The following VPS13B variants were observed in gnomAD, a reference collection of about 807,000 sequenced individuals.
VPS13B encodes intermembrane lipid transfer protein VPS13B.
In VPS13B, 285 loss-of-function variants were observed where a neutral mutation model predicts 426.4. That is an observed-to-expected ratio of 0.67 (90% confidence interval 0.61 to 0.74). VPS13B has a LOEUF of 0.74. VPS13B is among the 30% of genes least tolerant of loss of function. The pLI, the probability that VPS13B is intolerant of heterozygous loss-of-function variation, is 0.00. For synonymous variants in VPS13B, 1,676 were observed against 1,676.4 expected, an observed-to-expected ratio of 1.00 and a Z score of 0.01; for missense variants, 4,537 against 4,782.6, an observed-to-expected ratio of 0.95 and a Z score of 1.51.
chr8:99,156,868 GAAAT>G, intron 15 of VPS13B, 125 bp downstream of exon 15: 2 of 819,170 alleles, frequency 2.4e-6, no homozygotes, highest in South Asian at 1.8e-5. Flanking sequence ...ATTTAAATAA[GAAAT>G]AAGATGTATT....
chr8:99,855,763 T>G (rs1170003767), intron 56 of VPS13B, among the ~76,000 whole-genome samples: 1 of 152,220 alleles, frequency 6.6e-6, no homozygotes, highest in Non-Finnish European at 1.5e-5. Flanking sequence ...CTAGACTCTT[T>G]TATAAAAGAT....
intron 19 of VPS13B, among the ~76,000 whole-genome samples, chr8:99,363,340 G>C (rs1812674571): frequency 6.6e-6 from 1 of 152,116 alleles, no homozygotes; most frequent in South Asian, 2.1e-4. Flanking sequence ...TTTGTTTCCT[G>C]TTTTTATGCC....
At chr8:99,453,421 T>C (rs1818296591) in intron 23 of VPS13B, among the ~76,000 whole-genome samples, 1 of 152,226 alleles carries the variant, frequency 6.6e-6, no homozygotes, top group African/African-American at 2.4e-5. Flanking sequence ...TAAATAAATT[T>C]GTTGGGAACA....
At chr8:99,122,218 T>G (rs750787624) in intron 8 of VPS13B, among the ~76,000 whole-genome samples, 1 of 151,750 alleles carries the variant, frequency 6.6e-6, no homozygotes, top group Non-Finnish European at 1.5e-5. Context: ...CCTCATCTCT[T>G]TCGCTTTTCA....
rs1825834691 is a variant in VPS13B at position 99,577,549 on chromosome 8, C to T, written c.5136C>T (p.Phe1712=). The T allele has an allele frequency of 6.2e-7, 1 of 1,613,764 alleles. No individual in the cohort carries two copies. The highest frequency in any genetic ancestry group is 1.3e-5 in the African/African-American group (1 of 74,914). The change falls in exon 33 of 62, where the codon TTC becomes TTT. Residue 1712 remains phenylalanine (F), a synonymous_variant. Transcript: ENST00000357162. ...EVNITTNLDF[F]LSVAQVQLLH... The stretch of plus-strand genomic sequence containing the variant: ...ATATAACCACAAACCTGGACTTCTT[C>T]CTAAGTGTGGCTCAAGTTCAACTCT...
intron 24 of VPS13B, 124 bp from the exon 25 acceptor site, chr8:99,481,475 T>C (rs1820035581): frequency 3.8e-6 from 4 of 1,064,200 alleles, no homozygotes; most frequent in Non-Finnish European, 5.7e-6. Flanking sequence ...AGTGATGCAT[T>C]GGTAGAGTTT....
intron 54 of VPS13B, among the ~76,000 whole-genome samples, chr8:99,841,667 A>G (rs1005186586): frequency 6.6e-6 from 1 of 152,094 alleles, no homozygotes; most frequent in African/African-American, 2.4e-5. Context: ...CCTTCTGCCT[A>G]CTGCTTCTCA....
intron 19 of VPS13B, among the ~76,000 whole-genome samples, chr8:99,314,509 A>C (rs1201695065): frequency 2.6e-5 from 4 of 152,220 alleles, no homozygotes; most frequent in Non-Finnish European, 5.9e-5. Flanking sequence ...TCTCATGCTG[A>C]GAGTAGGGTA....
At chr8:99,189,123 G>A (rs1813398887) in intron 16 of VPS13B, among the ~76,000 whole-genome samples, 1 of 151,910 alleles carries the variant, frequency 6.6e-6, no homozygotes, top group Non-Finnish European at 1.5e-5. Context: ...CTAATTTTTT[G>A]CATTTTTAGT....
intron 33 of VPS13B, among the ~76,000 whole-genome samples, chr8:99,637,862 G>A (rs2133922893): frequency 6.6e-6 from 1 of 152,210 alleles, no homozygotes; most frequent in South Asian, 2.1e-4. Flanking sequence ...GTCAAAGAAT[G>A]AAAATAGCTT....
intron 24 of VPS13B, among the ~76,000 whole-genome samples, chr8:99,473,320 G>A (rs938987334): frequency 6.6e-6 from 1 of 151,802 alleles, no homozygotes; most frequent in African/African-American, 2.4e-5. Context: ...ATACGTAATG[G>A]CCAACTAGGA....
intron 33 of VPS13B, among the ~76,000 whole-genome samples, chr8:99,610,149 A>T (rs1389799208): frequency 2.0e-5 from 3 of 152,178 alleles, no homozygotes; most frequent in Non-Finnish European, 4.4e-5. Context: ...TTATCTTGGA[A>T]TATGCTGTTG....
At chr8:99,035,141 C>G (rs962906746) in intron 2 of VPS13B, among the ~76,000 whole-genome samples, 2 of 150,266 alleles carry the variant, frequency 1.3e-5, no homozygotes, top group Non-Finnish European at 3.0e-5. Context: ...GCTGATTGTG[C>G]CACTGCACTC....
In VPS13B at chr8:99,865,731, C is replaced by T. The variant is rs528385284; in HGVS notation, c.11216-2558C>T. ...AATGTGCAGTACACTCTATGGGTCT[C>T]GTTACTTTCTGGAAGGGCGAGCTGT... On this transcript the variant is annotated intron_variant, in intron 58 of 61. Coordinates refer to ENST00000357162, the MANE Select transcript of VPS13B (RefSeq NM_152564.5). Among the ~76,000 whole-genome samples the T allele has an allele frequency of 8.6e-4, 131 of 152,324 alleles. 1 individual carries two copies. The highest frequency in any genetic ancestry group is 3.0e-3 in the African/African-American group (126 of 41,570).
At chr8:99,752,115 G>A (rs1379537565) in intron 39 of VPS13B, among the ~76,000 whole-genome samples, 2 of 152,142 alleles carry the variant, frequency 1.3e-5, no homozygotes, top group Admixed American at 6.5e-5. Flanking sequence ...ACTGAGAGAG[G>A]AGGATCGCTT....
chr8:99,856,043 C>T (rs576189508), intron 56 of VPS13B, among the ~76,000 whole-genome samples: 9 of 152,298 alleles, frequency 5.9e-5, no homozygotes, highest in African/African-American at 1.9e-4. Flanking sequence ...CTCTGCACGA[C>T]GCAGCAGTGC....
intron 44 of VPS13B, among the ~76,000 whole-genome samples, chr8:99,813,135 C>G (rs193283264): frequency 8.9e-4 from 135 of 152,326 alleles, no homozygotes; most frequent in African/African-American, 3.2e-3. Flanking sequence ...GCCGTGCAAG[C>G]ACACTACTCC....
Position 99,217,993 on chromosome 8 carries a change from T to C in VPS13B, c.2515+24936T>C, listed in dbSNP as rs1305634948. Among the ~76,000 whole-genome samples the C allele has an allele frequency of 4.6e-5, 7 of 152,172 alleles. No individual in the cohort carries two copies. In the East Asian group the frequency reaches 1.3e-3, roughly 29 times the overall value. Reference sequence around the variant, plus strand: ...AAAGAATCTAGTGCTGGACCACAATTAAATTAGAATCTCCTAGGTTTTTCC... The same window carrying C: ...AAAGAATCTAGTGCTGGACCACAATCAAATTAGAATCTCCTAGGTTTTTCC... On this transcript the variant is annotated intron_variant, in intron 17 of 61. Transcript: ENST00000357162.
rs367949560 is a variant in VPS13B, at chr8:99,442,936, A to G, written c.3445+301A>G. Among the ~76,000 whole-genome samples the G allele has an allele frequency of 1.4e-4, 22 of 152,274 alleles. No homozygotes were observed. The East Asian group carries it at 3.3e-3, about 23-fold the overall frequency. ...GCTTTTGGATATTATCATTAGGCTG[A>G]ACTAAGAATGATAAGTAGATTGATC... On this transcript the variant is annotated intron_variant, in intron 23 of 61. Coordinates refer to ENST00000357162, the MANE Select transcript of VPS13B (RefSeq NM_152564.5).
Sources: gnomAD v4.1 joint callset for allele counts (sites outside exome capture counted in the v4.1 genomes callset) on GRCh38, gnomAD v4.1.1 for gene constraint, MANE v1.5 for transcripts, NCBI Gene and HGNC (gene_info 2026-07-23, HGNC 2026-07-21) for gene names.